The following PMFBP1 variants were observed in gnomAD, a reference collection of about 807,000 sequenced individuals.
The protein encoded by PMFBP1 is polyamine-modulated factor 1-binding protein 1.
Under a neutral mutation model 137.8 loss-of-function variants are expected in PMFBP1, and 131 were observed. That is an observed-to-expected ratio of 0.95 (90% CI 0.82 to 1.10). PMFBP1 has a LOEUF of 1.10. Among genes scored for constraint, PMFBP1 ranks in the 50% least tolerant of loss-of-function variants. The probability of loss-of-function intolerance (pLI) is 0.00; values close to 1 mark genes in which losing one functional copy is unlikely to be tolerated. For missense variants in PMFBP1, 1,199 were observed against 1,175.4 expected (o/e 1.02, Z -0.29); for synonymous variants, 490 against 450.4 (o/e 1.09, Z -1.11).
At chr16:72,140,885 G>A (rs1192162059) in intron 5 of PMFBP1, among the ~76,000 whole-genome samples, 2 of 142,998 alleles carry the variant, frequency 1.4e-5, no homozygotes, top group Non-Finnish European at 3.0e-5. Flanking sequence ...AATATTTTAT[G>A]CATATTTGCA....
chr16:72,123,584 C>G lies in PMFBP1; in HGVS notation c.2655G>C (p.Gln885His), dbSNP rs907860638. 3.7e-6 allele frequency: 6 copies of G among 1,614,184 alleles called. No individual in the cohort carries two copies. Among genetic ancestry groups the G allele is most frequent in the Non-Finnish European group, 5.1e-6 (6 of 1,180,000 alleles). The change falls in exon 18 of 21, where the codon CAG (glutamine) becomes CAC (histidine). Residue 885 changes from glutamine to histidine, a missense_variant. Physicochemically the swap from Gln to His is conservative, Grantham distance 24. Coordinates refer to ENST00000237353, the MANE Select transcript of PMFBP1 (RefSeq NM_031293.3). The part of the protein sequence containing the change: ...DTCRLYRGND[Q>H]IMTNLEQWAK... Reference sequence around the variant, plus strand: ...CCCATTGCTCCAAGTTGGTCATAATCTGATCATTCCCTCGGTAGAGCCTAC... The same window carrying G: ...CCCATTGCTCCAAGTTGGTCATAATGTGATCATTCCCTCGGTAGAGCCTAC...
At chr16:72,230,645 C>G in the PMFBP1 span, among the ~76,000 whole-genome samples, 1 of 152,164 alleles carries the variant, frequency 6.6e-6, no homozygotes, top group African/African-American at 2.4e-5. Flanking sequence ...AAGCCAAACA[C>G]TTGGGAGTCA....
chr16:72,156,574 C>T (rs533144376), intron 3 of PMFBP1, among the ~76,000 whole-genome samples: 34 of 151,340 alleles, frequency 2.2e-4, no homozygotes, highest in Admixed American at 3.3e-4. Context: ...GAGCTGAGAT[C>T]GTGCCACTGC....
chr16:72,154,414 C>T lies in PMFBP1; in HGVS notation c.211G>A (p.Glu71Lys), dbSNP rs1277763831. The change falls in exon 4 of 21, where the codon GAA (glutamate) becomes AAA (lysine). Residue 71 changes from glutamate to lysine, a missense_variant. Physicochemically the swap from Glu to Lys is moderately conservative, Grantham distance 56. Transcript: ENST00000237353. ...TGACACTGTTTACTGGACCCAAATT[C>T]CACCTCTGACTCCTCGAATGCTAAT... Reference protein sequence around the residue: ...QALAFEESEVEFGSSKQCHLR... With the variant: ...QALAFEESEVKFGSSKQCHLR... 1 of 1,614,122 alleles carries T rather than the reference C, an allele frequency of 6.2e-7. No homozygotes were observed. Among genetic ancestry groups the T allele is most frequent in the Non-Finnish European group, 8.5e-7 (1 of 1,179,996 alleles).
chr16:72,195,786 C>T, the PMFBP1 span, among the ~76,000 whole-genome samples: 18 of 152,258 alleles, frequency 1.2e-4, no homozygotes, highest in Non-Finnish European at 5.9e-5. Flanking sequence ...CTGTCCCACA[C>T]AAAGGCTGCG....
chr16:72,148,516 G>T (rs7197020), intron 5 of PMFBP1, among the ~76,000 whole-genome samples: 90,717 of 151,896 alleles, frequency 0.6, 27,991 homozygotes, highest in African/African-American at 0.75. Flanking sequence ...ACTTAAAGTA[G>T]AATAATAAAA....
the PMFBP1 span, among the ~76,000 whole-genome samples, chr16:72,202,288 T>G: frequency 6.6e-6 from 1 of 152,208 alleles, no homozygotes; most frequent in South Asian, 2.1e-4. Flanking sequence ...CTATCACCTA[T>G]AAATCATTCC....
At chr16:72,209,320 T>C in the PMFBP1 span, among the ~76,000 whole-genome samples, 1 of 152,206 alleles carries the variant, frequency 6.6e-6, no homozygotes, top group African/African-American at 2.4e-5. Flanking sequence ...ACTTCACTGT[T>C]TTCTTACTTT....
At chr16:72,117,368 T>C (rs1332463237), downstream of PMFBP1, among the ~76,000 whole-genome samples, 2 of 152,230 alleles carry the variant, frequency 1.3e-5, no homozygotes, top group Non-Finnish European at 2.9e-5. Flanking sequence ...CCTGTTACTT[T>C]GCTGAATTCA....
the PMFBP1 span, among the ~76,000 whole-genome samples, chr16:72,233,152 T>C: frequency 6.6e-6 from 1 of 152,022 alleles, no homozygotes; most frequent in East Asian, 1.9e-4. Context: ...ACCCCCCCAA[T>C]AGTAAGGGAT....
chr16:72,217,219 C>G, the PMFBP1 span, among the ~76,000 whole-genome samples: 1 of 152,116 alleles, frequency 6.6e-6, no homozygotes, highest in Non-Finnish European at 1.5e-5. Context: ...CCAGAAAAGA[C>G]ATATGCATAT....
In PMFBP1 at chr16:72,129,107, G is replaced by A. The variant is rs765318921; in HGVS notation, c.1909C>T (p.Leu637Phe). The A allele has an allele frequency of 1.9e-5, 30 of 1,614,080 alleles. No homozygotes were observed. The highest frequency in any genetic ancestry group is 2.2e-5 in the East Asian group (1 of 44,888). ...KEHEKLMEGELEALRQEFKKK... is the reference protein window; with the variant it reads ...KEHEKLMEGEFEALRQEFKKK... ...TTAAATTCCTGCCGCAAAGCTTCAA[G>A]TTCTCCCTCCATCAGCTTCTCATGC... Residue 637 changes from leucine to phenylalanine, a missense_variant, in exon 13 of 21, where the codon CTT becomes TTT. By Grantham distance (22) the Leu-to-Phe change is conservative. Coordinates refer to ENST00000237353, the MANE Select transcript of PMFBP1 (RefSeq NM_031293.3).
chr16:72,208,327 T>C, the PMFBP1 span, among the ~76,000 whole-genome samples: 2 of 149,362 alleles, frequency 1.3e-5, no homozygotes, highest in Non-Finnish European at 3.0e-5. Flanking sequence ...TTGAGAATGC[T>C]GTCAGCCAAA....
upstream of PMFBP1, among the ~76,000 whole-genome samples, chr16:72,176,088 G>C (rs1208325569): frequency 1.3e-5 from 2 of 152,126 alleles, no homozygotes; most frequent in African/African-American, 2.4e-5. Flanking sequence ...GTTTTGCCAG[G>C]GTTTGGGGTT....
the PMFBP1 span, among the ~76,000 whole-genome samples, chr16:72,195,469 C>A: frequency 6.6e-6 from 1 of 152,306 alleles, no homozygotes; most frequent in South Asian, 2.1e-4. Context: ...TGAACTGACA[C>A]AAGAACCCAG....
intron 2 of PMFBP1, among the ~76,000 whole-genome samples, chr16:72,167,144 T>TA (rs1318161689): frequency 2.0e-5 from 3 of 152,158 alleles, no homozygotes; most frequent in African/African-American, 7.2e-5. Context: ...CAGGTCAGTT[T>TA]AAAGGACCCC....
chr16:72,215,811 C>T, the PMFBP1 span, among the ~76,000 whole-genome samples: 2 of 152,170 alleles, frequency 1.3e-5, no homozygotes, highest in South Asian at 2.1e-4. Context: ...AACTACAATA[C>T]TAGAAAATCC....
At chr16:72,177,921 T>C (rs2043264158), upstream of PMFBP1, among the ~76,000 whole-genome samples, 1 of 152,124 alleles carries the variant, frequency 6.6e-6, no homozygotes, top group Admixed American at 6.5e-5. Context: ...AGAAAGAGTC[T>C]TACTTTGTTG....
chr16:72,190,793 T>C, the PMFBP1 span, among the ~76,000 whole-genome samples: 1 of 152,182 alleles, frequency 6.6e-6, no homozygotes, highest in Admixed American at 6.5e-5. Flanking sequence ...ATTATTTCTT[T>C]CAGGCAGTGA....
Sources: gnomAD v4.1 joint callset for allele counts (sites outside exome capture counted in the v4.1 genomes callset) on GRCh38, gnomAD v4.1.1 for gene constraint, MANE v1.5 for transcripts, NCBI Gene and HGNC (gene_info 2026-07-23, HGNC 2026-07-21) for gene names.